The following SPATA19 variants were observed in gnomAD, a reference collection of about 807,000 sequenced individuals.
SPATA19 encodes the protein spermatogenesis-associated protein 19, mitochondrial.
SPATA19 carries 19 observed loss-of-function variants against 25.0 expected under a neutral mutation model. The observed-to-expected ratio is 0.76, with a 90% confidence interval of 0.53 to 1.11. The LOEUF (loss-of-function observed/expected upper bound fraction) is 1.11, where lower values mean the gene tolerates loss of function less well. SPATA19 is among the 50% of genes most tolerant of loss of function. SPATA19 has a pLI of 0.00. For missense variants in SPATA19, 222 were observed against 211.4 expected (o/e 1.05, Z -0.31); for synonymous variants, 64 against 69.3 (o/e 0.92, Z 0.38).
At chr11:133,842,217 G>A in intron 5 of SPATA19, 112 bp from the exon 6 acceptor site, 1 of 1,044,378 alleles carries the variant, frequency 9.6e-7, no homozygotes, top group Non-Finnish European at 1.5e-6. Context: ...CCTAGGCCGT[G>A]GCCACACTGG....
downstream of SPATA19, among the ~76,000 whole-genome samples, chr11:133,839,043 G>A (rs1176402579): frequency 6.6e-6 from 1 of 152,218 alleles, no homozygotes; most frequent in African/African-American, 2.4e-5. Context: ...AGGTGCTGGA[G>A]AGGATGTGGA....
downstream of SPATA19, chr11:133,840,628 G>A (rs1938284475): frequency 6.6e-6 from 1 of 152,238 alleles, no homozygotes; most frequent in Non-Finnish European, 1.5e-5. Context: ...CAGCAACAGG[G>A]CGGGTTGTTA....
In SPATA19 at chr11:133,844,240, C is replaced by A. The variant is rs1206586150; in HGVS notation, c.359+6G>T. On this transcript the variant is annotated splice_donor_region_variant and intron_variant, in intron 4 of 6. Transcript: ENST00000299140. Reference sequence around the variant, plus strand: ...TCCTTCGCCCAGGGCAAGTGGGACACCTTACCTCCATCTTATGAACTGGAT... The same window carrying A: ...TCCTTCGCCCAGGGCAAGTGGGACAACTTACCTCCATCTTATGAACTGGAT... The A allele has an allele frequency of 5.0e-6, 8 of 1,613,802 alleles. No individual in the cohort carries two copies. The highest frequency in any genetic ancestry group is 2.5e-6 in the Non-Finnish European group (3 of 1,179,696).
In SPATA19 at chr11:133,842,643, T is replaced by C. The variant is rs1333380260; in HGVS notation, c.360-81A>G. The C allele has an allele frequency of 2.8e-6, 3 of 1,087,448 alleles. No individual in the cohort carries two copies. In the African/African-American group the frequency reaches 4.6e-5, roughly 17 times the overall value. The allele number at this position is 1,087,448 out of a possible 1,614,324, so 67.4% of individuals were successfully genotyped here. On this transcript the variant is annotated intron_variant, in intron 4 of 6. Coordinates refer to ENST00000299140, the MANE Select transcript of SPATA19 (RefSeq NM_174927.3). ...GCATAGAGAGCTGCTAGAGATGGGATCCTGCAAACAATGACTCTTGCCCTG... is the reference window on the plus strand; with the variant it reads ...GCATAGAGAGCTGCTAGAGATGGGACCCTGCAAACAATGACTCTTGCCCTG...
At position 133,844,536 on chromosome 11, in the gene SPATA19, G is replaced by C. The variant is rs1361266897; in HGVS notation, c.240C>G (p.Gly80=). 1.2e-6 allele frequency: 2 copies of C among 1,614,154 alleles called. No homozygotes were observed. The highest frequency in any genetic ancestry group is 1.7e-6 in the Non-Finnish European group (2 of 1,180,016). ...KMSTDSPPTH[G]QDIHVTRDVV... ...CATCTCTGGTCACGTGGATGTCCTG[G>C]CCATGGGTGGGAGGGGAGTCAGTGG... Residue 80 remains glycine (G), a synonymous_variant, in exon 3 of 7, where the codon GGC becomes GGG. Transcript: ENST00000299140.
intron 6 of SPATA19, 136 bp downstream of exon 6, chr11:133,841,894 A>G (rs1282319691): frequency 2.5e-6 from 2 of 810,814 alleles, no homozygotes; most frequent in African/African-American, 3.4e-5. Flanking sequence ...CTCTCCCACT[A>G]CTGGCCCTGA....
At chr11:133,844,461 C>G (rs534103342) in intron 3 of SPATA19, 48 bp downstream of exon 3, 1 of 1,613,878 alleles carries the variant, frequency 6.2e-7, no homozygotes, top group African/African-American at 1.3e-5. Flanking sequence ...CCACCTCTCC[C>G]CTCTCCCTCA....
At chr11:133,842,857 A>G (rs1007356414) in intron 4 of SPATA19, among the ~76,000 whole-genome samples, 3 of 152,010 alleles carry the variant, frequency 2.0e-5, no homozygotes, top group African/African-American at 7.2e-5. Context: ...TGAGCCGTGG[A>G]ATTCACCCTT....
rs1938397811 is a variant in SPATA19, at chr11:133,845,316, G to T, written c.78+53C>A. 1.1e-5 allele frequency: 16 copies of T among 1,512,846 alleles called. No homozygotes were observed. In the South Asian group the frequency reaches 1.5e-4, roughly 14 times the overall value. 93.7% of individuals were successfully genotyped at this position (1,512,846 alleles called of 1,614,324 possible). On this transcript the variant is annotated intron_variant, in intron 1 of 6. Transcript: ENST00000299140. ...TATGAAGTGCAGCAGGGTCCCACAG[G>T]GGGAGAAGATATATGAAAAATTATT... is the stretch of plus-strand genomic sequence containing the variant.
downstream of SPATA19, among the ~76,000 whole-genome samples, chr11:133,839,119 G>A (rs573189197): frequency 2.5e-4 from 38 of 152,324 alleles, no homozygotes; most frequent in Admixed American, 4.6e-4. Context: ...GGAAGTCAGC[G>A]TGGCGATTCC....
rs1456959929 is a variant in SPATA19 at position 133,845,208 on chromosome 11, GTTGGTGACCTCA to G, written c.79-30_79-19del. ...TCAATGTCCTGGAACAAATTGGCAAGTTGGTGACCTCAGAAAACCTAGAAATTCAGCTCTTCC... is the reference window on the plus strand; with the variant it reads ...TCAATGTCCTGGAACAAATTGGCAAGGAAAACCTAGAAATTCAGCTCTTCC... On this transcript the variant is annotated intron_variant, in intron 1 of 6. Coordinates refer to ENST00000299140, the MANE Select transcript of SPATA19 (RefSeq NM_174927.3). 1.2e-6 allele frequency: 2 copies of G among 1,613,744 alleles called. No homozygotes were observed. The highest frequency in any genetic ancestry group is 1.7e-6 in the Non-Finnish European group (2 of 1,179,756).
At chr11:133,838,732 G>A (rs975804077), downstream of SPATA19, among the ~76,000 whole-genome samples, 34 of 152,020 alleles carry the variant, frequency 2.2e-4, no homozygotes, top group African/African-American at 6.8e-4. Context: ...CTACCATCAG[G>A]GTGAACAGGC....
chr11:133,844,986 T>G lies in SPATA19; in HGVS notation c.135+148A>C. 4 of 726,164 alleles carry G rather than the reference T, an allele frequency of 5.5e-6. 1 individual carries two copies. The South Asian group carries it at 7.5e-5, about 14-fold the overall frequency. The allele number at this position is 726,164 out of a possible 1,614,324, so 45.0% of individuals were successfully genotyped here. On this transcript the variant is annotated intron_variant, in intron 2 of 6. Coordinates refer to ENST00000299140, the MANE Select transcript of SPATA19 (RefSeq NM_174927.3). ...AAGCCACAGTGTCCTCCAGCACATG[T>G]GAAGAAATTAGACTCAAATCTAGGA...
At chr11:133,841,923 T>C in intron 6 of SPATA19, 107 bp downstream of exon 6, 2 of 1,091,580 alleles carry the variant, frequency 1.8e-6, no homozygotes, top group East Asian at 2.4e-5. Context: ...CCTTCCCCAG[T>C]AGGGAAAAGC....
downstream of SPATA19, among the ~76,000 whole-genome samples, chr11:133,838,724 A>G (rs1244728124): frequency 2.0e-5 from 3 of 152,330 alleles, no homozygotes; most frequent in East Asian, 1.9e-4. Context: ...AAAAGAAACT[A>G]CCATCAGGGT....
At chr11:133,837,276 A>G (rs1462857932), downstream of SPATA19, among the ~76,000 whole-genome samples, 1 of 152,248 alleles carries the variant, frequency 6.6e-6, no homozygotes, top group Non-Finnish European at 1.5e-5. Flanking sequence ...AGTTGGATAC[A>G]GAGACTCACA....
chr11:133,837,401 T>C (rs535467726), downstream of SPATA19, among the ~76,000 whole-genome samples: 1 of 152,326 alleles, frequency 6.6e-6, no homozygotes, highest in South Asian at 2.1e-4. Context: ...GTGTGGACAA[T>C]GTTGACTATT....
intron 4 of SPATA19, 80 bp from the exon 5 acceptor site, chr11:133,842,642 A>G: frequency 9.1e-7 from 1 of 1,097,514 alleles, no homozygotes; most frequent in Non-Finnish European, 1.4e-6. Context: ...TAGAGATGGG[A>G]TCCTGCAAAC....
chr11:133,838,092 C>T (rs1304462164), downstream of SPATA19, among the ~76,000 whole-genome samples: 3 of 152,098 alleles, frequency 2.0e-5, no homozygotes, highest in Admixed American at 2.0e-4. Context: ...AAAATAATTA[C>T]AAAGCTTGCT....
Sources: gnomAD v4.1 joint callset for allele counts (sites outside exome capture counted in the v4.1 genomes callset) on GRCh38, gnomAD v4.1.1 for gene constraint, MANE v1.5 for transcripts, NCBI Gene and HGNC (gene_info 2026-07-23, HGNC 2026-07-21) for gene names.